LIPA: variants seen among roughly 807,000 people sequenced by gnomAD.
LIPA encodes lipase A, lysosomal acid type.
LIPA carries 26 observed loss-of-function variants against 40.6 expected under a neutral mutation model. That is an observed-to-expected ratio of 0.64 (90% confidence interval 0.47 to 0.89). LIPA has a LOEUF of 0.89. LIPA is among the 40% of genes least tolerant of loss of function. The probability of loss-of-function intolerance (pLI) is 0.00; values close to 1 mark genes in which losing one functional copy is unlikely to be tolerated. For missense variants in LIPA, 455 were observed against 479.6 expected, an observed-to-expected ratio of 0.95 and a Z score of 0.48; for synonymous variants, 188 against 168.4, an observed-to-expected ratio of 1.12 and a Z score of -0.90.
rs1291847176 is a variant in LIPA at position 89,277,376 on chromosome 10, G to A, written c.-1-29727C>T. On this transcript the variant is annotated intron_variant, in intron 1 of 5. Coordinates refer to the LIPA transcript ENST00000282673. Reference sequence around the variant, plus strand: ...ATATATATCATAAAGCTGTTTCAGAGGTTAAACACATATTTTAAGTAAAAC... The same window carrying A: ...ATATATATCATAAAGCTGTTTCAGAAGTTAAACACATATTTTAAGTAAAAC... Among the ~76,000 whole-genome samples, 3 of 152,230 alleles carry A rather than the reference G, an allele frequency of 2.0e-5. No individual in the cohort carries two copies. The East Asian group carries it at 5.8e-4, about 29-fold the overall frequency.
chr10:89,253,444 C>A (rs1394335451), upstream of LIPA, among the ~76,000 whole-genome samples: 2 of 152,178 alleles, frequency 1.3e-5, no homozygotes, highest in African/African-American at 4.8e-5. Flanking sequence ...TATTTACCAC[C>A]ACAAGAACAG....
intron 1 of LIPA, chr10:89,340,610 C>T (rs1698791389): frequency 6.8e-6 from 1 of 146,590 alleles, no homozygotes; most frequent in African/African-American, 2.5e-5. Context: ...CATTATAGTT[C>T]ATTACAGTTA....
chr10:89,392,479 C>T (rs1037440006), intron 2 of LIPA: 2 of 259,942 alleles, frequency 7.7e-6, no homozygotes, highest in Non-Finnish European at 1.4e-5. Context: ...CCACCCCCCC[C>T]CGTCAGCAGG....
At chr10:89,293,161 T>C (rs1265635840) in intron 1 of LIPA, among the ~76,000 whole-genome samples, 1 of 152,136 alleles carries the variant, frequency 6.6e-6, no homozygotes, top group African/African-American at 2.4e-5. Context: ...AGCTGATGGT[T>C]TTATAAGCAT....
intron 8 of LIPA, among the ~76,000 whole-genome samples, chr10:89,216,428 AG>A (rs1461274345): frequency 0.011 from 1,674 of 145,816 alleles, 9 homozygotes; most frequent in African/African-American, 0.029. Context: ...TATATATAAT[AG>A]AGAGAGAGAG....
At chr10:89,304,507 T>C (rs1843465755) in intron 1 of LIPA, among the ~76,000 whole-genome samples, 1 of 152,138 alleles carries the variant, frequency 6.6e-6, no homozygotes, top group South Asian at 2.1e-4. Flanking sequence ...TCCTGCCACA[T>C]TGCATGACAT....
rs75051999 is a variant in LIPA at position 89,364,427 on chromosome 10, C to A, written c.61+48364G>T. Reference sequence around the variant, plus strand: ...AGATGTTGACCCACAAGAAGATCTACAAACAAAGCACATGGGCAGAAAGAG... The same window carrying A: ...AGATGTTGACCCACAAGAAGATCTAAAAACAAAGCACATGGGCAGAAAGAG... On this transcript the variant is annotated intron_variant, in intron 2 of 8. Transcript: ENST00000371837. 2.9e-3 allele frequency among the ~76,000 whole-genome samples: 435 copies of A among 152,230 alleles called. 1 individual carries two copies. The highest frequency in any genetic ancestry group is 4.5e-3 in the Non-Finnish European group (305 of 68,008).
intron 1 of LIPA, among the ~76,000 whole-genome samples, chr10:89,280,333 A>G (rs891793187): frequency 6.6e-6 from 1 of 152,210 alleles, no homozygotes; most frequent in Admixed American, 6.5e-5. Context: ...CTCCCTCCAT[A>G]GTCAGGTAAA....
intron 2 of LIPA, among the ~76,000 whole-genome samples, chr10:89,396,393 T>G (rs1404446253): frequency 1.3e-5 from 2 of 152,210 alleles, no homozygotes; most frequent in Non-Finnish European, 1.5e-5. Flanking sequence ...CTTCTCAGCT[T>G]CTGGTGAGGG....
At chr10:89,412,897 T>C (rs1282163394) in exon 2 of LIPA, 1 of 264,280 alleles carries the variant, frequency 3.8e-6, no homozygotes, top group South Asian at 3.1e-5. Flanking sequence ...AGCTTCATTC[T>C]TGAAGTCACC....
At chr10:89,237,953 G>A (rs1190371630) in intron 3 of LIPA, among the ~76,000 whole-genome samples, 2 of 152,216 alleles carry the variant, frequency 1.3e-5, no homozygotes, top group Admixed American at 6.5e-5. Context: ...TGAATTGGAA[G>A]AGAACCCCAA....
upstream of LIPA, among the ~76,000 whole-genome samples, chr10:89,255,286 GCA>G (rs1843175170): frequency 6.6e-6 from 1 of 152,188 alleles, no homozygotes; most frequent in Non-Finnish European, 1.5e-5. Flanking sequence ...AAGGCAAAAG[GCA>G]CGTCTTACAT....
chr10:89,411,807 G>A (rs1395007164), intron 2 of LIPA, among the ~76,000 whole-genome samples: 4 of 152,216 alleles, frequency 2.6e-5, no homozygotes, highest in Non-Finnish European at 5.9e-5. Flanking sequence ...GTGTTTACAG[G>A]AAAAGGCTTC....
chr10:89,403,002 G>A, intron 2 of LIPA: 1 of 1,614,208 alleles, frequency 6.2e-7, no homozygotes, highest in African/African-American at 1.3e-5. Context: ...CATTGAAGAA[G>A]CTCTAGCCAA....
intron 2 of LIPA, among the ~76,000 whole-genome samples, chr10:89,350,889 A>T (rs907445812): frequency 6.6e-6 from 1 of 152,192 alleles, no homozygotes; most frequent in African/African-American, 2.4e-5. Context: ...AAAGGACTCC[A>T]GTTCTTTCTC....
chr10:89,241,306 C>A (rs1362919114), intron 3 of LIPA, among the ~76,000 whole-genome samples: 2 of 152,164 alleles, frequency 1.3e-5, no homozygotes, highest in Non-Finnish European at 2.9e-5. Context: ...CAATCCCCTA[C>A]CCAATGCGCC....
At chr10:89,238,396 T>G (rs1390594581) in intron 3 of LIPA, among the ~76,000 whole-genome samples, 1 of 152,174 alleles carries the variant, frequency 6.6e-6, no homozygotes, top group Non-Finnish European at 1.5e-5. Flanking sequence ...TATTCAAGAC[T>G]TCCTTTACAA....
At chr10:89,316,448 C>T (rs888674449) in intron 1 of LIPA, among the ~76,000 whole-genome samples, 2 of 152,226 alleles carry the variant, frequency 1.3e-5, no homozygotes, top group African/African-American at 4.8e-5. Context: ...GGGTCCCATG[C>T]CCAGGGAGCC....
At chr10:89,365,247 T>G (rs1844048636) in intron 2 of LIPA, among the ~76,000 whole-genome samples, 1 of 152,202 alleles carries the variant, frequency 6.6e-6, no homozygotes, top group African/African-American at 2.4e-5. Context: ...CAGACCTCTG[T>G]GTAGGGGCAG....
Sources: allele counts gnomAD v4.1 joint callset (sites outside exome capture counted in the v4.1 genomes callset), GRCh38; gene constraint gnomAD v4.1.1; transcripts MANE v1.5; gene names NCBI Gene and HGNC (gene_info 2026-07-23, HGNC 2026-07-21).